Variants in ASH1L observed in about 807,000 individuals in gnomAD.
The protein encoded by ASH1L is histone-lysine N-methyltransferase ASH1L.
A neutral mutation model predicts 269.0 loss-of-function variants in ASH1L; 23 were observed. The observed-to-expected ratio is 0.09, with a 90% CI of 0.06 to 0.12. The LOEUF (loss-of-function observed/expected upper bound fraction) is 0.12. Ranked by LOEUF, ASH1L falls within the 10% of genes least tolerant of loss-of-function variation. ASH1L has a pLI of 1.00. For synonymous variants in ASH1L, 1,187 were observed against 1,253.5 expected (o/e 0.95, Z 1.12); for missense variants, 2,912 against 3,567.8 (o/e 0.82, Z 4.68).
At chr1:155,389,134 T>C (rs1458503384) in intron 7 of ASH1L, among the ~76,000 whole-genome samples, 2 of 151,710 alleles carry the variant, frequency 1.3e-5, no homozygotes, top group Non-Finnish European at 2.9e-5. Flanking sequence ...GCCTCCTGAG[T>C]AACTGGGATT....
intron 2 of ASH1L, among the ~76,000 whole-genome samples, chr1:155,483,442 T>C (rs540287148): frequency 6.6e-6 from 1 of 152,222 alleles, no homozygotes; most frequent in East Asian, 1.9e-4. Flanking sequence ...ATATCATTTT[T>C]CAAAGCCCCA....
chr1:155,503,067 C>G (rs1667614399), intron 2 of ASH1L, among the ~76,000 whole-genome samples: 2 of 152,254 alleles, frequency 1.3e-5, no homozygotes, highest in Middle Eastern at 3.4e-3. Context: ...TCTTTTGGAG[C>G]CCCCAGCCCG....
intron 15 of ASH1L, among the ~76,000 whole-genome samples, chr1:155,355,681 C>A (rs1389561884): frequency 1.3e-5 from 2 of 152,124 alleles, no homozygotes; most frequent in Admixed American, 1.3e-4. Context: ...AAGTAGAGAA[C>A]CACTGGACTG....
At chr1:155,546,795 G>A (rs770659327) in intron 1 of ASH1L, among the ~76,000 whole-genome samples, 1 of 151,516 alleles carries the variant, frequency 6.6e-6, no homozygotes, top group South Asian at 2.1e-4. Context: ...GGTAAACAAC[G>A]CAACTGTCAT....
At chr1:155,462,813 T>A (rs1028509407) in intron 3 of ASH1L, among the ~76,000 whole-genome samples, 1 of 152,196 alleles carries the variant, frequency 6.6e-6, no homozygotes, top group Non-Finnish European at 1.5e-5. Flanking sequence ...TATTCCATAT[T>A]TAAAAAGAAT....
chr1:155,478,635 G>A lies in ASH1L; in HGVS notation c.4235C>T (p.Pro1412Leu), dbSNP rs755013684. ...GRYPPTLYPP[P>L]PSPSFTTPLP... ...TGGCGTGGTGAAAGAAGGAGATGGA[G>A]GAGGTGGATAAAGAGTGGGAGGATA... Residue 1412 changes from proline (P) to leucine (L), a missense_variant, in exon 3 of 28, where the codon CCT becomes CTT. Physicochemically the swap from Pro to Leu is moderately conservative, Grantham distance 98 (BLOSUM62 -3). Coordinates refer to ENST00000392403, the MANE Select transcript of ASH1L (RefSeq NM_018489.3). The surrounding 1 kb of genome is among the most constrained non-coding windows in gnomAD (Gnocchi z 4.6). 1.2e-6 allele frequency: 2 copies of A among 1,614,048 alleles called. No homozygotes were observed. Among genetic ancestry groups the A allele is most frequent in the Non-Finnish European group, 1.7e-6 (2 of 1,180,024 alleles).
chr1:155,546,663 C>T (rs1480093926), intron 1 of ASH1L, among the ~76,000 whole-genome samples: 1 of 151,670 alleles, frequency 6.6e-6, no homozygotes, highest in Non-Finnish European at 1.5e-5. Context: ...GAGGCTGAGG[C>T]AGGAGAATCA....
intron 3 of ASH1L, among the ~76,000 whole-genome samples, chr1:155,466,697 T>C (rs1044705740): frequency 6.6e-6 from 1 of 152,238 alleles, no homozygotes; most frequent in Non-Finnish European, 1.5e-5. Flanking sequence ...TTATGATTTC[T>C]GTGTCAGGAA....
intron 5 of ASH1L, among the ~76,000 whole-genome samples, chr1:155,421,231 A>T (rs1270770378): frequency 3.4e-5 from 2 of 58,458 alleles, no homozygotes; most frequent in Non-Finnish European, 3.4e-5. Context: ...TCTGTGTCTT[A>T]AAAAAAAAAA....
chr1:155,433,552 G>T (rs1186493324), intron 5 of ASH1L: 2 of 1,610,504 alleles, frequency 1.2e-6, no homozygotes, highest in African/African-American at 2.7e-5. Flanking sequence ...CCGTGAAACT[G>T]GAGAAGGAGA....
intron 1 of ASH1L, among the ~76,000 whole-genome samples, chr1:155,555,342 C>T (rs751041503): frequency 6.9e-4 from 104 of 151,120 alleles, no homozygotes; most frequent in Non-Finnish European, 7.1e-4. Flanking sequence ...ACTAAAAACA[C>T]GAAAATTCAC....
At chr1:155,511,117 A>T (rs1668133060) in intron 2 of ASH1L, among the ~76,000 whole-genome samples, 1 of 152,212 alleles carries the variant, frequency 6.6e-6, no homozygotes. Context: ...GTGATACATA[A>T]ATCATCAAGC....
chr1:155,482,521 A>G, intron 2 of ASH1L, 72 bp from the exon 3 acceptor site: 2 of 1,451,434 alleles, frequency 1.4e-6, no homozygotes, highest in Admixed American at 4.5e-5. Context: ...TTAACAATCC[A>G]ACAAACTAAT....
intron 2 of ASH1L, among the ~76,000 whole-genome samples, chr1:155,488,502 CAA>C (rs368511587): frequency 2.9e-4 from 12 of 41,304 alleles, no homozygotes; most frequent in African/African-American, 8.0e-4. Context: ...ACTAAAAATA[CAA>C]AAAAAAAAAA....
intron 5 of ASH1L, among the ~76,000 whole-genome samples, chr1:155,429,748 G>C (rs1661461154): frequency 6.6e-6 from 1 of 152,092 alleles, no homozygotes; most frequent in Non-Finnish European, 1.5e-5. Flanking sequence ...ATTTATATGG[G>C]TACGACCTCT....
At chr1:155,457,902 C>G (rs1165587803) in intron 4 of ASH1L, among the ~76,000 whole-genome samples, 1 of 152,172 alleles carries the variant, frequency 6.6e-6, no homozygotes, top group Non-Finnish European at 1.5e-5. Context: ...GGTTGGTGAA[C>G]TTTTTCTGTA....
At chr1:155,465,289 C>CAAAAAAAAAAAAAAA (rs1171228344) in intron 3 of ASH1L, among the ~76,000 whole-genome samples, 172 of 62,190 alleles carry the variant, frequency 2.8e-3, no homozygotes, top group Middle Eastern at 0.014. Context: ...TACAAATTAG[C>CAAAAAAAAAAAAAAA]AAAAAAAAAA....
rs374019980 is a variant in ASH1L, at chr1:155,385,529, T to A, written c.6104-5413A>T. ...TTGTTTCAAGCATGTTCACAATTGCTCACTAAGGCATTTTTATCAAGACTG... is the reference window on the plus strand; with the variant it reads ...TTGTTTCAAGCATGTTCACAATTGCACACTAAGGCATTTTTATCAAGACTG... On this transcript the variant is annotated intron_variant, in intron 7 of 27. Transcript: ENST00000392403. 2.3e-3 allele frequency among the ~76,000 whole-genome samples: 347 copies of A among 152,324 alleles called. 1 individual carries two copies. The highest frequency in any genetic ancestry group is 7.7e-3 in the African/African-American group (320 of 41,582).
intron 2 of ASH1L, among the ~76,000 whole-genome samples, chr1:155,520,621 GGGA>G (rs1380647950): frequency 1.3e-5 from 2 of 151,986 alleles, no homozygotes; most frequent in Non-Finnish European, 2.9e-5. Context: ...CCAGCACTCT[GGGA>G]GGCTAAGGTG....
Sources: gnomAD v4.1 joint callset for allele counts (sites outside exome capture counted in the v4.1 genomes callset) on GRCh38, gnomAD v4.1.1 for gene constraint, Gnocchi (gnomAD v3.1) non-coding constraint, MANE v1.5 for transcripts, NCBI Gene and HGNC (gene_info 2026-07-23, HGNC 2026-07-21) for gene names.